SLC9B1: variants seen among roughly 807,000 people sequenced by gnomAD.
The protein encoded by SLC9B1 is sodium/hydrogen exchanger 9B1.
Under a neutral mutation model 51.7 loss-of-function variants are expected in SLC9B1, and 32 were observed. The ratio of observed to expected loss-of-function variants is 0.62; its 90% CI spans 0.47 to 0.83. The LOEUF (loss-of-function observed/expected upper bound fraction) is 0.83, where lower values mean the gene tolerates loss of function less well. SLC9B1 is among the 40% of genes least tolerant of loss of function. The pLI, the probability that SLC9B1 is intolerant of heterozygous loss-of-function variation, is 0.00. For synonymous variants in SLC9B1, 145 were observed against 212.7 expected (o/e 0.68, Z 2.77); for missense variants, 406 against 613.2 (o/e 0.66, Z 3.57).
intron 1 of SLC9B1, among the ~76,000 whole-genome samples, chr4:102,998,573 G>A (rs1304478795): frequency 1.4e-5 from 2 of 147,792 alleles, no homozygotes; most frequent in East Asian, 3.9e-4. Context: ...GTAATTCTAT[G>A]TTTAATTTTT....
chr4:102,902,465 A>C (rs1560917144), intron 11 of SLC9B1, among the ~76,000 whole-genome samples: 1 of 152,152 alleles, frequency 6.6e-6, no homozygotes, highest in Non-Finnish European at 1.5e-5. Context: ...TCATGCAGAA[A>C]ACCAACTTGA....
intron 3 of SLC9B1, among the ~76,000 whole-genome samples, chr4:102,964,378 C>T (rs559805903): frequency 1.3e-5 from 2 of 151,954 alleles, no homozygotes; most frequent in South Asian, 4.2e-4. Context: ...GGAAATAATA[C>T]CAATGTTACA....
intron 4 of SLC9B1, among the ~76,000 whole-genome samples, chr4:102,949,022 T>G (rs1205989109): frequency 6.6e-6 from 1 of 152,036 alleles, no homozygotes; most frequent in Non-Finnish European, 1.5e-5. Flanking sequence ...GATATTAAAT[T>G]TATTTTAAAA....
chr4:102,983,935 G>A (rs559300378), intron 3 of SLC9B1, among the ~76,000 whole-genome samples: 27 of 151,528 alleles, frequency 1.8e-4, no homozygotes, highest in Non-Finnish European at 3.2e-4. Context: ...AACTCAATTA[G>A]CTCTTTTCTT....
intron 3 of SLC9B1, among the ~76,000 whole-genome samples, chr4:102,956,314 T>TAAAAAAAAAAAAAAAAAAAAAAAAAAAA (rs35614802): frequency 7.5e-6 from 1 of 133,184 alleles, no homozygotes. Context: ...TGAGTATTAC[T>TAAAAAAAAAAAAAAAAAAAAAAAAAAAA]AAAAAAAAAA....
intron 7 of SLC9B1, among the ~76,000 whole-genome samples, chr4:102,920,060 A>G (rs1735785779): frequency 6.6e-6 from 1 of 152,256 alleles, no homozygotes; most frequent in Middle Eastern, 3.2e-3. Flanking sequence ...TTTTCCCAGC[A>G]TGGCGTTTGA....
intron 11 of SLC9B1, among the ~76,000 whole-genome samples, chr4:102,893,644 C>A (rs1422312514): frequency 6.6e-6 from 1 of 152,126 alleles, no homozygotes; most frequent in African/African-American, 2.4e-5. Flanking sequence ...AAACTGTAGG[C>A]CAGGTGCAGT....
intron 3 of SLC9B1, among the ~76,000 whole-genome samples, chr4:102,955,247 T>C (rs2110482099): frequency 6.6e-6 from 1 of 152,332 alleles, no homozygotes; most frequent in South Asian, 2.1e-4. Context: ...TTTCTGCTTT[T>C]GCATCTTCCT....
chr4:102,892,604 C>G (rs1578322936), intron 11 of SLC9B1: 1 of 152,266 alleles, frequency 6.6e-6, no homozygotes, highest in Non-Finnish European at 1.5e-5. Flanking sequence ...TTTTGAACAA[C>G]TATGGTGAGA....
chr4:102,986,752 G>C (rs1017412664), intron 3 of SLC9B1, among the ~76,000 whole-genome samples: 1 of 152,072 alleles, frequency 6.6e-6, no homozygotes, highest in East Asian at 1.9e-4. Flanking sequence ...GCTTTGTCCA[G>C]CCTACTAATA....
chr4:102,909,956 A>C (rs1324677297), intron 9 of SLC9B1, among the ~76,000 whole-genome samples: 6 of 151,746 alleles, frequency 4.0e-5, no homozygotes. Context: ...ACAGGTGCCC[A>C]CCACCACACC....
chr4:102,990,409 T>G (rs1739886190), intron 2 of SLC9B1, among the ~76,000 whole-genome samples: 1 of 152,058 alleles, frequency 6.6e-6, no homozygotes, highest in Non-Finnish European at 1.5e-5. Flanking sequence ...AATTCAAGCA[T>G]GCTTCCACTA....
At chr4:102,895,623 T>C (rs936202421) in intron 11 of SLC9B1, among the ~76,000 whole-genome samples, 11 of 152,194 alleles carry the variant, frequency 7.2e-5, no homozygotes, top group African/African-American at 2.4e-4. Flanking sequence ...ATTTTAAACA[T>C]TAAAATTTTG....
chr4:102,973,547 TA>T (rs1738872647), intron 3 of SLC9B1, among the ~76,000 whole-genome samples: 1 of 152,096 alleles, frequency 6.6e-6, no homozygotes, highest in Admixed American at 6.5e-5. Context: ...TTAAAGGAAA[TA>T]TATAGACTTC....
intron 1 of SLC9B1, among the ~76,000 whole-genome samples, chr4:103,007,871 T>G (rs1740873073): frequency 2.6e-5 from 4 of 152,134 alleles, no homozygotes; most frequent in African/African-American, 7.2e-5. Context: ...CAGCTTTTAT[T>G]GGGCATAGTA....
At chr4:103,004,874 C>T (rs979077519) in intron 1 of SLC9B1, among the ~76,000 whole-genome samples, 2 of 152,112 alleles carry the variant, frequency 1.3e-5, no homozygotes, top group Admixed American at 1.3e-4. Flanking sequence ...TCCTTTCAGA[C>T]AAACAAATGC....
chr4:102,914,450 A>G (rs995119924), intron 7 of SLC9B1, among the ~76,000 whole-genome samples: 5 of 152,076 alleles, frequency 3.3e-5, no homozygotes, highest in Non-Finnish European at 7.4e-5. Context: ...GGAAATGGCT[A>G]TTATCAACTT....
chr4:102,954,343 G>A lies in SLC9B1; in HGVS notation c.212-4916C>T, dbSNP rs1327125609. Among the ~76,000 whole-genome samples the A allele has an allele frequency of 5.4e-5, 4 of 73,702 alleles. 1 individual carries two copies. The highest frequency in any genetic ancestry group is 9.8e-5 in the Non-Finnish European group (4 of 40,800). The allele number at this position is 73,702 out of a possible 152,430, so 48.4% of individuals were successfully genotyped here. Reference sequence around the variant, plus strand: ...AAGCCCACTTGATCATGGTGGATAAGCTTTTTGATGTGCTGCTGGATTCGG... The same window carrying A: ...AAGCCCACTTGATCATGGTGGATAAACTTTTTGATGTGCTGCTGGATTCGG... On this transcript the variant is annotated intron_variant, in intron 3 of 11. Coordinates refer to ENST00000296422, the MANE Select transcript of SLC9B1 (RefSeq NM_139173.4).
chr4:102,897,788 T>A (rs1734607938), downstream of SLC9B1: 1 of 477,756 alleles, frequency 2.1e-6, no homozygotes, highest in Non-Finnish European at 4.1e-6. Context: ...TTGTAACACA[T>A]CAACACAGAC....
Sources: gnomAD v4.1 joint callset for allele counts (sites outside exome capture counted in the v4.1 genomes callset) on GRCh38, gnomAD v4.1.1 for gene constraint, MANE v1.5 for transcripts, NCBI Gene and HGNC (gene_info 2026-07-23, HGNC 2026-07-21) for gene names.